Variants in CPNE5 observed in about 807,000 individuals in gnomAD.
The protein encoded by CPNE5 is copine 5, also known as copine-5.
In CPNE5, 42 loss-of-function variants were observed where a neutral mutation model predicts 81.1. The observed-to-expected ratio is 0.52, with a 90% CI of 0.40 to 0.67. CPNE5 has a LOEUF of 0.67. Ranked by LOEUF, CPNE5 falls within the 30% of genes least tolerant of loss-of-function variation. The pLI is 0.00. For synonymous variants in CPNE5, 313 were observed against 321.5 expected (o/e 0.97, Z 0.28); for missense variants, 612 against 815.5 (o/e 0.75, Z 3.04).
At chr6:36,774,435 T>C (rs1414240923) in intron 10 of CPNE5, among the ~76,000 whole-genome samples, 2 of 152,216 alleles carry the variant, frequency 1.3e-5, no homozygotes, top group African/African-American at 2.4e-5. Context: ...CTACCCCGTT[T>C]GTTTATGGCA....
chr6:36,783,444 T>C, intron 8 of CPNE5, among the ~76,000 whole-genome samples: 1 of 151,560 alleles, frequency 6.6e-6, no homozygotes. Context: ...TAATGTTATA[T>C]GTATTAATTC....
intron 11 of CPNE5, among the ~76,000 whole-genome samples, chr6:36,764,246 C>T (rs1214263300): frequency 2.0e-5 from 3 of 152,026 alleles, no homozygotes; most frequent in Non-Finnish European, 4.4e-5. Flanking sequence ...TACAGGAACG[C>T]CAGGGTAAGA....
At chr6:36,792,179 C>A in intron 7 of CPNE5, 83 bp from the exon 8 acceptor site, 3 of 1,350,236 alleles carry the variant, frequency 2.2e-6, no homozygotes, top group Non-Finnish European at 3.2e-6. Context: ...AGCCCCCTGC[C>A]CATCCTCCCC....
At chr6:36,764,087 C>T (rs59617848) in intron 11 of CPNE5, among the ~76,000 whole-genome samples, 3 of 127,404 alleles carry the variant, frequency 2.4e-5, no homozygotes, top group East Asian at 2.6e-4. Context: ...CCCACCCCCC[C>T]ACCCCCCACC....
At chr6:36,753,570 A>G (rs1056125584) in intron 13 of CPNE5, among the ~76,000 whole-genome samples, 16 of 152,390 alleles carry the variant, frequency 1.0e-4, no homozygotes, top group South Asian at 4.1e-4. Flanking sequence ...GCCTAGAGCT[A>G]TTAGTCCTGA....
At chr6:36,756,016 A>C in intron 13 of CPNE5, 1 of 537,872 alleles carries the variant, frequency 1.9e-6, no homozygotes, top group South Asian at 2.5e-5. Context: ...TGTCTCTGCG[A>C]TTCCTCATGC....
At chr6:36,810,397 C>A (rs1770997930) in intron 3 of CPNE5, among the ~76,000 whole-genome samples, 1 of 152,238 alleles carries the variant, frequency 6.6e-6, no homozygotes, top group Admixed American at 6.5e-5. Flanking sequence ...ATTCTAAAAG[C>A]CTCGCTGCAG....
intron 6 of CPNE5, among the ~76,000 whole-genome samples, chr6:36,795,062 C>T (rs1769444017): frequency 6.6e-6 from 1 of 152,206 alleles, no homozygotes; most frequent in South Asian, 2.1e-4. Flanking sequence ...CTGGAAGAAT[C>T]ACATGAGATC....
chr6:36,821,793 G>A (rs1473972333), intron 3 of CPNE5, among the ~76,000 whole-genome samples: 1 of 152,184 alleles, frequency 6.6e-6, no homozygotes, highest in Non-Finnish European at 1.5e-5. Flanking sequence ...GCTAGAAGCT[G>A]CACTCACGCC....
Position 36,789,904 on chromosome 6 carries a change from C to A in CPNE5, c.528+2129G>T, listed in dbSNP as rs538532302. Among the ~76,000 whole-genome samples the A allele has an allele frequency of 5.8e-4, 88 of 152,312 alleles. No homozygotes were observed. In the South Asian group the frequency reaches 0.017, roughly 30 times the overall value. ...TCCACTGAGATTAACAGATAAGCAA[C>A]CCGGGTGAGCAGTCACATATGAATT... On this transcript the variant is annotated intron_variant, in intron 8 of 20. Coordinates refer to ENST00000244751, the MANE Select transcript of CPNE5 (RefSeq NM_020939.2).
At chr6:36,781,081 C>A (rs1278496893) in intron 8 of CPNE5, among the ~76,000 whole-genome samples, 1 of 152,192 alleles carries the variant, frequency 6.6e-6, no homozygotes, top group Non-Finnish European at 1.5e-5. Flanking sequence ...CTTGCCTGGG[C>A]AGGGAGGGGC....
At chr6:36,792,383 C>T in intron 7 of CPNE5, 3 of 1,475,356 alleles carry the variant, frequency 2.0e-6, no homozygotes, top group Non-Finnish European at 1.8e-6. Flanking sequence ...ATTGGAAAAG[C>T]ATCCAGACTC....
chr6:36,748,082 C>A, intron 15 of CPNE5, 139 bp downstream of exon 15: 1 of 790,618 alleles, frequency 1.3e-6, no homozygotes. Flanking sequence ...TATCTTTGGT[C>A]CTCCAGACCT....
intron 8 of CPNE5, among the ~76,000 whole-genome samples, chr6:36,790,482 C>T (rs1768985153): frequency 6.6e-6 from 1 of 152,158 alleles, no homozygotes; most frequent in African/African-American, 2.4e-5. Context: ...TATGAGAATC[C>T]AGATGTCTTC....
At chr6:36,762,419 C>G (rs1386354460) in intron 12 of CPNE5, among the ~76,000 whole-genome samples, 2 of 152,102 alleles carry the variant, frequency 1.3e-5, no homozygotes, top group Non-Finnish European at 2.9e-5. Flanking sequence ...CCAGAGAGAC[C>G]AGGTGCCTTG....
At chr6:36,768,225 C>CTTTTTTTCTTTTTTTTTTTTTTTTTT in intron 10 of CPNE5, among the ~76,000 whole-genome samples, 2,694 of 60,474 alleles carry the variant, frequency 0.045, 714 homozygotes, top group Middle Eastern at 0.1. Context: ...ATTCACAGTT[C>CTTTTTTTCTTTTTTTTTTTTTTTTTT]TTTTTTTTTT....
intron 7 of CPNE5, 137 bp downstream of exon 7, chr6:36,794,453 C>G: frequency 1.3e-6 from 1 of 784,298 alleles, no homozygotes; most frequent in Non-Finnish European, 2.1e-6. Context: ...TAAGGAGGAA[C>G]CCAGGACTCT....
chr6:36,824,439 C>A (rs1325798993), intron 1 of CPNE5, among the ~76,000 whole-genome samples: 2 of 152,206 alleles, frequency 1.3e-5, no homozygotes, highest in Non-Finnish European at 2.9e-5. Flanking sequence ...CCTGCCTGTG[C>A]GGCTACTCCT....
At chr6:36,768,251 T>TTTTTTTTTTTTTTTTTTTTTAAAG in intron 10 of CPNE5, among the ~76,000 whole-genome samples, 1 of 130,882 alleles carries the variant, frequency 7.6e-6, no homozygotes, top group African/African-American at 2.9e-5. Context: ...TTTTTTTTTT[T>TTTTTTTTTTTTTTTTTTTTTAAAG]TGAGACAGAG....
Sources: allele counts gnomAD v4.1 joint callset (sites outside exome capture counted in the v4.1 genomes callset), GRCh38; gene constraint gnomAD v4.1.1; transcripts MANE v1.5; gene names NCBI Gene and HGNC (gene_info 2026-07-23, HGNC 2026-07-21).